LOC400499: variants seen among roughly 807,000 people sequenced by gnomAD.
the LOC400499 span, among the ~76,000 whole-genome samples, chr16:11,428,093 G>T: frequency 1.3e-5 from 2 of 152,232 alleles, no homozygotes; most frequent in Non-Finnish European, 2.9e-5. Flanking sequence ...GAGCAGCCCT[G>T]AGGGCGGCTG....
the LOC400499 span, among the ~76,000 whole-genome samples, chr16:11,505,189 C>T: frequency 2.0e-5 from 3 of 151,638 alleles, no homozygotes; most frequent in South Asian, 2.1e-4. Context: ...ATTTGCCGAT[C>T]GTCATGGTGT....
the LOC400499 span, among the ~76,000 whole-genome samples, chr16:11,432,063 G>T: frequency 2.0e-5 from 3 of 152,226 alleles, no homozygotes; most frequent in Non-Finnish European, 4.4e-5. Flanking sequence ...TGAAAAGAGA[G>T]AGGGGGATGC....
At chr16:11,406,636 T>C in the LOC400499 span, among the ~76,000 whole-genome samples, 1 of 152,236 alleles carries the variant, frequency 6.6e-6, no homozygotes, top group Admixed American at 6.5e-5. Flanking sequence ...TTCCCCATGT[T>C]GGCCGTGCTG....
At chr16:11,391,778 A>G in the LOC400499 span, 1 of 1,231,944 alleles carries the variant, frequency 8.1e-7, no homozygotes, top group Non-Finnish European at 1.0e-6. Flanking sequence ...CTGCCCAACC[A>G]CTCGCCTGCA....
chr16:11,509,005 A>G, the LOC400499 span: 1 of 396,436 alleles, frequency 2.5e-6, no homozygotes, highest in Non-Finnish European at 4.4e-6. Context: ...GGGAAATCAT[A>G]GCAGCGTCAT....
the LOC400499 span, chr16:11,471,745 G>C: frequency 1.0e-5 from 4 of 399,200 alleles, no homozygotes; most frequent in African/African-American, 2.1e-5. Flanking sequence ...CACAGGCAAT[G>C]AGAGCAGGTA....
At chr16:11,399,828 G>C in the LOC400499 span, 1 of 398,774 alleles carries the variant, frequency 2.5e-6, no homozygotes, top group African/African-American at 2.1e-5. Context: ...GCATTGGGAT[G>C]GGAGGGCAGT....
At chr16:11,509,517 G>C in the LOC400499 span, among the ~76,000 whole-genome samples, 2 of 151,586 alleles carry the variant, frequency 1.3e-5, no homozygotes, top group Admixed American at 6.6e-5. Context: ...GCAGAACAAT[G>C]TATGGTGCAA....
the LOC400499 span, among the ~76,000 whole-genome samples, chr16:11,447,342 G>A: frequency 1.3e-4 from 20 of 152,260 alleles, no homozygotes; most frequent in African/African-American, 4.8e-4. Context: ...CAGGGTTAGA[G>A]ATAACATACA....
chr16:11,403,069 T>C, the LOC400499 span, among the ~76,000 whole-genome samples: 1 of 152,096 alleles, frequency 6.6e-6, no homozygotes, highest in Admixed American at 6.5e-5. Flanking sequence ...TGAGTCAAGC[T>C]GACCTGACCT....
At chr16:11,402,902 G>T in the LOC400499 span, among the ~76,000 whole-genome samples, 3 of 152,048 alleles carry the variant, frequency 2.0e-5, no homozygotes, top group Non-Finnish European at 4.4e-5. Context: ...ACATGCACAG[G>T]TGCCCTGTGC....
At chr16:11,412,135 G>A in the LOC400499 span, among the ~76,000 whole-genome samples, 1 of 152,108 alleles carries the variant, frequency 6.6e-6, no homozygotes, top group African/African-American at 2.4e-5. Flanking sequence ...AAAGCACTGG[G>A]ATTACAGGTG....
At chr16:11,435,963 C>G in the LOC400499 span, 2 of 398,316 alleles carry the variant, frequency 5.0e-6, no homozygotes, top group Non-Finnish European at 4.4e-6. Flanking sequence ...ATGAAGCCCT[C>G]CTGAGCCACT....
the LOC400499 span, chr16:11,471,491 T>C: frequency 5.0e-6 from 2 of 396,880 alleles, no homozygotes; most frequent in Non-Finnish European, 8.9e-6. Context: ...CAGCCCCAGA[T>C]GGAGAATCAG....
At chr16:11,463,750 G>T in the LOC400499 span, among the ~76,000 whole-genome samples, 49 of 152,154 alleles carry the variant, frequency 3.2e-4, no homozygotes, top group African/African-American at 1.1e-3. Flanking sequence ...TATATATATG[G>T]ATGTGTGTAT....
the LOC400499 span, chr16:11,508,646 G>A: frequency 2.5e-6 from 1 of 398,434 alleles, no homozygotes; most frequent in Non-Finnish European, 4.4e-6. Flanking sequence ...GATATGGGCA[G>A]GAAGAGGAAG....
At chr16:11,401,140 G>A in the LOC400499 span, 48 of 397,870 alleles carry the variant, frequency 1.2e-4, no homozygotes, top group South Asian at 2.8e-4. Context: ...CTGTGATTCC[G>A]GAGAAGTCTT....
At chr16:11,497,595 G>A in the LOC400499 span, among the ~76,000 whole-genome samples, 2 of 152,198 alleles carry the variant, frequency 1.3e-5, no homozygotes, top group African/African-American at 2.4e-5. Flanking sequence ...CTGTGGGGCA[G>A]GCTGGTGCCA....
At chr16:11,461,465 C>T in the LOC400499 span, among the ~76,000 whole-genome samples, 481 of 152,330 alleles carry the variant, frequency 3.2e-3, 4 homozygotes, top group African/African-American at 0.011. Context: ...AAGTAATCCT[C>T]CTGCGTTAGC....
Sources: gnomAD v4.1 joint callset for allele counts (sites outside exome capture counted in the v4.1 genomes callset) on GRCh38, gnomAD v4.1.1 for gene constraint, MANE v1.5 for transcripts.